The following CENPW variants were observed in gnomAD, a reference collection of about 807,000 sequenced individuals.
CENPW encodes the protein centromere protein W, also known as cancer-up-regulated gene 2 protein.
In CENPW, 3 loss-of-function variants were observed where a neutral mutation model predicts 11.1. The ratio of observed to expected loss-of-function variants is 0.27; its 90% CI spans 0.12 to 0.70. The LOEUF (loss-of-function observed/expected upper bound fraction) is 0.70. CENPW is among the 30% of genes least tolerant of loss of function. CENPW has a pLI of 0.77. For missense variants in CENPW, 100 were observed against 105.6 expected, an observed-to-expected ratio of 0.95 and a Z score of 0.23; for synonymous variants, 38 against 42.0, an observed-to-expected ratio of 0.91 and a Z score of 0.37.
chr6:126,393,550 A>G, the CENPW span, among the ~76,000 whole-genome samples: 1 of 151,464 alleles, frequency 6.6e-6, no homozygotes, highest in Non-Finnish European at 1.5e-5. Context: ...ACTCGTTTTC[A>G]GGAGCATATT....
chr6:126,392,003 G>A, the CENPW span, among the ~76,000 whole-genome samples: 1 of 151,906 alleles, frequency 6.6e-6, no homozygotes, highest in Non-Finnish European at 1.5e-5. Context: ...TTCTATTTCT[G>A]TGAAGAATGT....
the CENPW span, among the ~76,000 whole-genome samples, chr6:126,373,449 A>G: frequency 6.6e-6 from 1 of 152,326 alleles, no homozygotes; most frequent in Non-Finnish European, 1.5e-5. Context: ...TATTTTGTTT[A>G]TTCATTGCTG....
the CENPW span, among the ~76,000 whole-genome samples, chr6:126,459,929 T>A: frequency 2.0e-5 from 3 of 151,518 alleles, no homozygotes; most frequent in East Asian, 1.9e-4. Context: ...CTTTTTTTTT[T>A]AAGGAAAGCC....
chr6:126,370,612 G>A, the CENPW span, among the ~76,000 whole-genome samples: 1 of 152,028 alleles, frequency 6.6e-6, no homozygotes, highest in African/African-American at 2.4e-5. Context: ...TACATTAATT[G>A]TGTATCCTGA....
At chr6:126,374,061 T>G in the CENPW span, among the ~76,000 whole-genome samples, 1,056 of 152,208 alleles carry the variant, frequency 6.9e-3, 6 homozygotes, top group South Asian at 0.012. Context: ...TCCTGAGTCA[T>G]AAAGGCCAGG....
chr6:126,353,225 CTT>C (rs11423823), downstream of CENPW, among the ~76,000 whole-genome samples: 2 of 144,312 alleles, frequency 1.4e-5, no homozygotes. Context: ...CCTATGGGAT[CTT>C]TTTTTTTTTT....
At chr6:126,477,735 G>T in the CENPW span, among the ~76,000 whole-genome samples, 10 of 152,134 alleles carry the variant, frequency 6.6e-5, 1 homozygote, top group South Asian at 1.9e-3. Flanking sequence ...ACTTTTAAGT[G>T]ATAACTTTTT....
At chr6:126,425,775 A>G in the CENPW span, among the ~76,000 whole-genome samples, 1 of 151,926 alleles carries the variant, frequency 6.6e-6, no homozygotes, top group African/African-American at 2.4e-5. Context: ...TATTTCTATA[A>G]AAGTTTGGTT....
the CENPW span, among the ~76,000 whole-genome samples, chr6:126,443,930 C>G: frequency 6.6e-6 from 1 of 151,086 alleles, no homozygotes; most frequent in Admixed American, 6.6e-5. Flanking sequence ...TTGTAGGTCA[C>G]TTAAAATGCA....
At chr6:126,341,344 G>A (rs1780306329) in intron 1 of CENPW, among the ~76,000 whole-genome samples, 1 of 152,104 alleles carries the variant, frequency 6.6e-6, no homozygotes, top group Non-Finnish European at 1.5e-5. Context: ...TGGATAATAA[G>A]AGCATACTGC....
the CENPW span, among the ~76,000 whole-genome samples, chr6:126,468,519 A>C: frequency 6.6e-6 from 1 of 151,670 alleles, no homozygotes; most frequent in East Asian, 1.9e-4. Flanking sequence ...CATTAGAGAA[A>C]AACTAAAGAA....
chr6:126,441,309 C>A, the CENPW span, among the ~76,000 whole-genome samples: 1 of 151,336 alleles, frequency 6.6e-6, no homozygotes, highest in African/African-American at 2.4e-5. Flanking sequence ...GAAATTTGGG[C>A]ATTTTCCTTG....
the CENPW span, among the ~76,000 whole-genome samples, chr6:126,372,700 A>T: frequency 8.5e-3 from 1,298 of 152,310 alleles, 13 homozygotes; most frequent in African/African-American, 0.03. Context: ...TGGCTATTTG[A>T]AATATTTTTT....
the CENPW span, among the ~76,000 whole-genome samples, chr6:126,367,349 T>A: frequency 1.4e-4 from 21 of 152,034 alleles, no homozygotes; most frequent in African/African-American, 4.6e-4. Flanking sequence ...TTAGTGATCA[T>A]ATATAATATA....
At chr6:126,480,355 G>C in the CENPW span, among the ~76,000 whole-genome samples, 1 of 151,992 alleles carries the variant, frequency 6.6e-6, no homozygotes, top group South Asian at 2.1e-4. Flanking sequence ...CAGAGAATAA[G>C]GAAAGTTTCT....
At chr6:126,413,554 C>T in the CENPW span, among the ~76,000 whole-genome samples, 3 of 151,946 alleles carry the variant, frequency 2.0e-5, no homozygotes, top group Non-Finnish European at 4.4e-5. Context: ...AATTCATCAC[C>T]ACTAGACTGG....
chr6:126,367,269 G>A, the CENPW span, among the ~76,000 whole-genome samples: 1 of 151,958 alleles, frequency 6.6e-6, no homozygotes, highest in African/African-American at 2.4e-5. Context: ...TGAAGTTTGG[G>A]TTTTAAGTGT....
At chr6:126,366,288 T>C in the CENPW span, among the ~76,000 whole-genome samples, 5 of 152,180 alleles carry the variant, frequency 3.3e-5, 1 homozygote, top group South Asian at 1.0e-3. Flanking sequence ...AGAATACATA[T>C]ATTTTATTAG....
the CENPW span, among the ~76,000 whole-genome samples, chr6:126,429,985 TC>T: frequency 2.6e-5 from 4 of 152,174 alleles, no homozygotes; most frequent in African/African-American, 7.2e-5. Flanking sequence ...CAGATATCCT[TC>T]CCCACCTGAG....
Sources: allele counts gnomAD v4.1 joint callset (sites outside exome capture counted in the v4.1 genomes callset), GRCh38; gene constraint gnomAD v4.1.1; transcripts MANE v1.5; gene names NCBI Gene and HGNC (gene_info 2026-07-23, HGNC 2026-07-21).